Variants in WDR27 observed in about 807,000 individuals in gnomAD.
WDR27 encodes WD repeat domain 27.
WDR27 carries 100 observed loss-of-function variants against 114.4 expected under a neutral mutation model. That is an observed-to-expected ratio of 0.87 (90% CI 0.74 to 1.03). The LOEUF (loss-of-function observed/expected upper bound fraction) is 1.03, where lower values mean the gene tolerates loss of function less well. Ranked by LOEUF, WDR27 falls within the 50% of genes least tolerant of loss-of-function variation. WDR27 has a pLI of 0.00. For missense variants in WDR27, 1,129 were observed against 1,092.9 expected, an observed-to-expected ratio of 1.03 and a Z score of -0.47; for synonymous variants, 449 against 423.1, an observed-to-expected ratio of 1.06 and a Z score of -0.75.
chr6:169,525,047 C>T (rs1272766599), intron 25 of WDR27, among the ~76,000 whole-genome samples: 1 of 151,632 alleles, frequency 6.6e-6, no homozygotes, highest in Non-Finnish European at 1.5e-5. Context: ...GAATTAATAA[C>T]CAGAATATAT....
rs538822886 is a variant in WDR27 at position 169,684,685 on chromosome 6, C to G, written c.189+4132G>C. On this transcript the variant is annotated intron_variant, in intron 2 of 25. Transcript: ENST00000448612. This position sits in a 1 kb window ranked among gnomAD's most constrained non-coding sequence, Gnocchi z 4.3. The stretch of plus-strand genomic sequence containing the variant: ...GTGGGTTTCCCCCAGCAGATATGCT[C>G]TCAGACAAATCCAGCAGCTGTGTGC... 1.3e-5 allele frequency among the ~76,000 whole-genome samples: 2 copies of G among 152,332 alleles called. No individual in the cohort carries two copies. The highest frequency in any genetic ancestry group is 4.1e-4 in the South Asian group (2 of 4,830).
Position 169,649,212 on chromosome 6 carries a change from C to A in WDR27, c.1545G>T (p.Arg515Ser). The change falls in exon 15 of 26, where the codon AGG (arginine) becomes AGT (serine). Residue 515 changes from arginine (R) to serine (S), a missense_variant. Arg to Ser is a moderately radical substitution (Grantham distance 110). Transcript: ENST00000448612. Reference sequence around the variant, plus strand: ...ACATCACACACCGTGCGCAGCTGCTCCTGCTCCTTGAAGATCCTTTCCCCT... The same window carrying A: ...ACATCACACACCGTGCGCAGCTGCTACTGCTCCTTGAAGATCCTTTCCCCT... The part of the protein sequence containing the change: ...KSEGKGSSRS[R>S]SSCAREAYPV... 1 of 1,574,732 alleles carries A rather than the reference C, an allele frequency of 6.4e-7. No individual in the cohort carries two copies.
At chr6:169,478,989 C>T (rs890837752) in intron 25 of WDR27, among the ~76,000 whole-genome samples, 1 of 152,174 alleles carries the variant, frequency 6.6e-6, no homozygotes, top group Non-Finnish European at 1.5e-5. Context: ...CTCTTCTTAA[C>T]TTTGTCCTTG....
intron 19 of WDR27, 108 bp downstream of exon 19, chr6:169,636,263 A>T (rs1239865798): frequency 2.4e-5 from 32 of 1,310,350 alleles, no homozygotes; most frequent in Non-Finnish European, 3.4e-5. Flanking sequence ...ATATGAGGTC[A>T]TTATTAAATT....
intron 21 of WDR27, among the ~76,000 whole-genome samples, chr6:169,624,519 C>A (rs1359145799): frequency 1.3e-5 from 2 of 152,166 alleles, no homozygotes; most frequent in Non-Finnish European, 2.9e-5. Context: ...TGCCCTGGTG[C>A]CATCCCCGAT....
chr6:169,513,417 A>G (rs1450451458), intron 25 of WDR27, among the ~76,000 whole-genome samples: 2 of 152,154 alleles, frequency 1.3e-5, no homozygotes, highest in African/African-American at 4.8e-5. Flanking sequence ...CCACCTCTCG[A>G]GGAAAGAAGT....
At chr6:169,596,294 T>G (rs1806777287) in intron 23 of WDR27, among the ~76,000 whole-genome samples, 1 of 152,116 alleles carries the variant, frequency 6.6e-6, no homozygotes, top group Admixed American at 6.5e-5. Context: ...CCTTTCATCT[T>G]GAATGTCTTT....
intron 17 of WDR27, among the ~76,000 whole-genome samples, chr6:169,640,597 T>C (rs1818903214): frequency 6.6e-6 from 1 of 152,240 alleles, no homozygotes; most frequent in South Asian, 2.1e-4. Context: ...CCATGCCGCT[T>C]GTACCGAACA....
At chr6:169,541,610 A>T (rs991631239) in intron 25 of WDR27, among the ~76,000 whole-genome samples, 1 of 152,226 alleles carries the variant, frequency 6.6e-6, no homozygotes, top group Non-Finnish European at 1.5e-5. Flanking sequence ...TCTTTTTGAG[A>T]GATCTAATAG....
chr6:169,650,460 C>A (rs1822079068), intron 14 of WDR27, among the ~76,000 whole-genome samples: 1 of 149,506 alleles, frequency 6.7e-6, no homozygotes, highest in African/African-American at 2.5e-5. Flanking sequence ...TCTTTCCCCT[C>A]ATCTATCCAC....
chr6:169,562,974 G>A (rs1014710485), intron 25 of WDR27, among the ~76,000 whole-genome samples: 7 of 152,144 alleles, frequency 4.6e-5, no homozygotes, highest in Non-Finnish European at 7.3e-5. Flanking sequence ...GCACAGCAGC[G>A]CTGCCGGGGG....
intron 16 of WDR27, among the ~76,000 whole-genome samples, chr6:169,645,119 T>C (rs1054399165): frequency 5.8e-5 from 8 of 137,418 alleles, no homozygotes; most frequent in African/African-American, 1.9e-4. Flanking sequence ...AGTCCCACTG[T>C]AGGAAATCCT....
chr6:169,628,051 C>G (rs1005982578), intron 21 of WDR27, among the ~76,000 whole-genome samples: 3 of 151,810 alleles, frequency 2.0e-5, no homozygotes, highest in Non-Finnish European at 2.9e-5. Context: ...CAGAATTCAT[C>G]AGTTGAAACC....
chr6:169,570,160 A>G (rs1017711622), intron 25 of WDR27, among the ~76,000 whole-genome samples: 1 of 152,196 alleles, frequency 6.6e-6, no homozygotes, highest in Non-Finnish European at 1.5e-5. Context: ...GTCCCACCAC[A>G]ACACTCATGG....
intron 25 of WDR27, among the ~76,000 whole-genome samples, chr6:169,532,529 T>C (rs1795721385): frequency 6.6e-6 from 1 of 152,182 alleles, no homozygotes; most frequent in Non-Finnish European, 1.5e-5. Flanking sequence ...ACTTCCTATT[T>C]TTTATTATTA....
At chr6:169,644,148 AG>A (rs1819891308) in intron 16 of WDR27, among the ~76,000 whole-genome samples, 1 of 150,144 alleles carries the variant, frequency 6.7e-6, no homozygotes, top group Non-Finnish European at 1.5e-5. Flanking sequence ...AGTTCACAGG[AG>A]TCACACTGTA....
At chr6:169,558,827 A>G (rs965438223) in intron 25 of WDR27, 3 of 152,234 alleles carry the variant, frequency 2.0e-5, no homozygotes, top group Non-Finnish European at 4.4e-5. Flanking sequence ...GAACTCATCC[A>G]GAGTCCATGA....
At chr6:169,581,793 A>C (rs1283144943) in intron 24 of WDR27, among the ~76,000 whole-genome samples, 1 of 113,418 alleles carries the variant, frequency 8.8e-6, no homozygotes, top group Non-Finnish European at 1.8e-5. Context: ...CCACGGCGAT[A>C]CGTCCTATAG....
downstream of WDR27, among the ~76,000 whole-genome samples, chr6:169,453,345 C>CT (rs1784231777): frequency 6.6e-6 from 1 of 151,982 alleles, no homozygotes; most frequent in Non-Finnish European, 1.5e-5. Flanking sequence ...GGAATATAAA[C>CT]TTGCTATTAA....
Sources: gnomAD v4.1 joint callset for allele counts (sites outside exome capture counted in the v4.1 genomes callset) on GRCh38, gnomAD v4.1.1 for gene constraint, Gnocchi (gnomAD v3.1) non-coding constraint, MANE v1.5 for transcripts, NCBI Gene and HGNC (gene_info 2026-07-23, HGNC 2026-07-21) for gene names.